The following ZNF331 variants were observed in gnomAD, a reference collection of about 807,000 sequenced individuals.
ZNF331 encodes zinc finger protein 331, also known as C2H2-like zinc finger protein rearranged in thyroid adenomas.
ZNF331 carries 2 observed loss-of-function variants against 7.0 expected under a neutral mutation model. The ratio of observed to expected loss-of-function variants is 0.29; its 90% CI spans 0.12 to 0.90. The LOEUF is 0.90. ZNF331 is among the 40% of genes least tolerant of loss of function. The probability of loss-of-function intolerance (pLI) is 0.58; values close to 1 mark genes in which losing one functional copy is unlikely to be tolerated. For synonymous variants in ZNF331, 196 were observed against 205.4 expected (o/e 0.95, Z 0.39); for missense variants, 432 against 587.7 (o/e 0.74, Z 2.74).
At chr19:53,520,034 C>T (rs764792831), upstream of ZNF331, among the ~76,000 whole-genome samples, 4 of 150,072 alleles carry the variant, frequency 2.7e-5, no homozygotes, top group Non-Finnish European at 5.9e-5. Context: ...TTTAAGCTTT[C>T]CGGGCTTATT....
chr19:53,576,853 G>A lies in ZNF331; in HGVS notation c.293G>A (p.Arg98Lys). The A allele has an allele frequency of 6.2e-7, 1 of 1,614,072 alleles. No individual in the cohort carries two copies. The highest frequency in any genetic ancestry group is 8.5e-7 in the Non-Finnish European group (1 of 1,180,032). ...TLERPQRSRGRYVNQMIINYV... is the reference protein window; with the variant it reads ...TLERPQRSRGKYVNQMIINYV... The stretch of plus-strand genomic sequence containing the variant: ...GAAAGACCACAGCGCTCCAGAGGGA[G>A]GTATGTCAATCAGATGATCATCAAT... The change falls in exon 6 of 6, where the codon AGG becomes AAG. Residue 98 changes from arginine (R) to lysine (K), a missense_variant. Physicochemically the swap from Arg to Lys is conservative, Grantham distance 26 (BLOSUM62 2). Around this residue, in one of 3 missense-constraint regions of ZNF331, gnomAD observed 81 missense variants for 70.3 expected, o/e 1.15. Coordinates refer to ENST00000449416, the MANE Select transcript of ZNF331 (RefSeq NM_001079906.2).
In ZNF331 at chr19:53,573,206, G is replaced by A. The variant is rs1002932065; in HGVS notation, c.136+1476G>A. Among the ~76,000 whole-genome samples, 7 of 152,034 alleles carry A rather than the reference G, an allele frequency of 4.6e-5. No homozygotes were observed. Among genetic ancestry groups the A allele is most frequent in the Admixed American group, 1.3e-4 (2 of 15,248 alleles). ...TGTGCTGCAGCCTGGGCAACAAAGC[G>A]AGACTCTGTCTCAAAAATAATAAAA... On this transcript the variant is annotated intron_variant, in intron 5 of 5. Transcript: ENST00000449416. The surrounding 1 kb of genome is among the most constrained non-coding windows in gnomAD (Gnocchi z 4.2).
rs1319987202 is a variant in ZNF331, at chr19:53,571,338, T to A, written c.10-266T>A. 6.6e-6 allele frequency among the ~76,000 whole-genome samples: 1 copy of A among 152,130 alleles called. No individual in the cohort carries two copies. The highest frequency in any genetic ancestry group is 2.1e-4 in the South Asian group (1 of 4,822). ...CTTGTAAGCAAGAAGAAAACTTGGATTGTTTTATCCACTTCCTGGCAGGTT... is the reference window on the plus strand; with the variant it reads ...CTTGTAAGCAAGAAGAAAACTTGGAATGTTTTATCCACTTCCTGGCAGGTT... On this transcript the variant is annotated intron_variant, in intron 4 of 5. Coordinates refer to ENST00000449416, the MANE Select transcript of ZNF331 (RefSeq NM_001079906.2). The surrounding 1 kb of genome is among the most constrained non-coding windows in gnomAD (Gnocchi z 4.7).
rs995553091 is a variant in ZNF331, at chr19:53,573,247, G to C, written c.136+1517G>C. ...AATAATAAAAAATAAGGCCGGGTGC[G>C]GTGGCTCACTCCTGTGATCACAAGA... On this transcript the variant is annotated intron_variant, in intron 5 of 5. Transcript: ENST00000449416. The surrounding 1 kb of genome is among the most constrained non-coding windows in gnomAD (Gnocchi z 4.2). Among the ~76,000 whole-genome samples, 1 of 151,688 alleles carries C rather than the reference G, an allele frequency of 6.6e-6. No individual in the cohort carries two copies.
chr19:53,531,421 T>C (rs1202423754), intron 2 of ZNF331, among the ~76,000 whole-genome samples: 1 of 152,182 alleles, frequency 6.6e-6, no homozygotes, highest in African/African-American at 2.4e-5. Flanking sequence ...GCTTTTTCTG[T>C]GTGCTCTGCT....
At chr19:53,553,261 T>C (rs2089128084) in intron 2 of ZNF331, among the ~76,000 whole-genome samples, 1 of 149,286 alleles carries the variant, frequency 6.7e-6, no homozygotes, top group East Asian at 2.0e-4. Flanking sequence ...CCTGTAATCC[T>C]GGCCTAGGCA....
At chr19:53,535,851 G>C (rs184742727), upstream of ZNF331, among the ~76,000 whole-genome samples, 348 of 151,410 alleles carry the variant, frequency 2.3e-3, 2 homozygotes, top group African/African-American at 8.2e-3. Flanking sequence ...TGTCACCCAG[G>C]CTGGAGTGCA....
chr19:53,537,702 C>T (rs1237726464), upstream of ZNF331: 1 of 152,310 alleles, frequency 6.6e-6, no homozygotes, highest in Admixed American at 6.5e-5. Context: ...GACGGCCCCG[C>T]GTCCTCTTCT....
At chr19:53,551,532 T>C (rs953751) in intron 2 of ZNF331, among the ~76,000 whole-genome samples, 112,568 of 151,910 alleles carry the variant, frequency 0.74, 42,587 homozygotes, top group African/African-American at 0.9. Flanking sequence ...TTACACCTTA[T>C]AGGAGTAGAG....
At chr19:53,563,824 C>G (rs1477738503) in intron 3 of ZNF331, 1 of 151,810 alleles carries the variant, frequency 6.6e-6, no homozygotes, top group Non-Finnish European at 1.5e-5. Context: ...GGTTTGCATC[C>G]TGAAAGACCA....
rs1568502533 is a variant in ZNF331 at position 53,555,921 on chromosome 19, T to TC, written c.-74+13_-74+14insC. The TC allele has an allele frequency of 6.8e-6, 1 of 147,498 alleles. No homozygotes were observed. Among genetic ancestry groups the TC allele is most frequent in the African/African-American group, 2.7e-5 (1 of 37,464 alleles). 9.1% of individuals were successfully genotyped at this position (147,498 alleles called of 1,614,324 possible). On this transcript the variant is annotated intron_variant, in intron 3 of 5. Coordinates refer to ENST00000449416, the MANE Select transcript of ZNF331 (RefSeq NM_001079906.2). ...CATCTTAGGTCAGGTGAGTATCTTT[T>TC]TTTTTTTTTTAATTAAATCATATGT... is the stretch of plus-strand genomic sequence containing the variant.
At chr19:53,516,267 A>C (rs941295167), upstream of ZNF331, among the ~76,000 whole-genome samples, 1 of 152,102 alleles carries the variant, frequency 6.6e-6, no homozygotes, top group African/African-American at 2.4e-5. Context: ...CCTGGCTAAC[A>C]TGGTGAAACG....
chr19:53,517,924 G>A (rs143391167), upstream of ZNF331, among the ~76,000 whole-genome samples: 237 of 152,284 alleles, frequency 1.6e-3, no homozygotes, highest in African/African-American at 5.4e-3. Context: ...GCCATGAGCC[G>A]CCTGGAGTTC....
chr19:53,524,105 A>T (rs2087198558), intron 2 of ZNF331, among the ~76,000 whole-genome samples: 1 of 152,052 alleles, frequency 6.6e-6, no homozygotes. Context: ...ATCCTTTTTT[A>T]TGGCTGCATA....
intron 3 of ZNF331, among the ~76,000 whole-genome samples, chr19:53,567,785 G>T (rs2090228092): frequency 6.6e-6 from 1 of 151,746 alleles, no homozygotes; most frequent in Non-Finnish European, 1.5e-5. Flanking sequence ...CAAGGCTGCA[G>T]TGAGCTGAGA....
intron 3 of ZNF331, among the ~76,000 whole-genome samples, chr19:53,567,694 AT>A (rs2090223457): frequency 6.6e-6 from 1 of 151,914 alleles, no homozygotes; most frequent in African/African-American, 2.4e-5. Flanking sequence ...AAAAAAAAAA[AT>A]TAGCCAAGTG....
At chr19:53,555,379 CTG>C (rs1568501235) in intron 2 of ZNF331, 1 of 140,544 alleles carries the variant, frequency 7.1e-6, no homozygotes, top group South Asian at 2.3e-4. Flanking sequence ...TCCAGCTTCT[CTG>C]TGCTGGGATG....
At chr19:53,504,985 G>A in the ZNF331 span, among the ~76,000 whole-genome samples, 2 of 152,206 alleles carry the variant, frequency 1.3e-5, no homozygotes, top group Admixed American at 1.3e-4. Context: ...GAAATGAACT[G>A]TCCGAATGTG....
chr19:53,568,121 T>C (rs977378203), intron 3 of ZNF331, among the ~76,000 whole-genome samples: 1 of 151,828 alleles, frequency 6.6e-6, no homozygotes, highest in Non-Finnish European at 1.5e-5. Flanking sequence ...TGGTGGCATG[T>C]GCCTATAGTC....
Sources: gnomAD v4.1 joint callset for allele counts (sites outside exome capture counted in the v4.1 genomes callset) on GRCh38, gnomAD v4.1.1 for gene constraint, gnomAD v4.1.1 regional missense constraint, Gnocchi (gnomAD v3.1) non-coding constraint, MANE v1.5 for transcripts, NCBI Gene and HGNC (gene_info 2026-07-23, HGNC 2026-07-21) for gene names.